The following ARL14EPL variants were observed in gnomAD, a reference collection of about 807,000 sequenced individuals.
ARL14EPL encodes ARF like GTPase 14 effector protein like.
Under a neutral mutation model 15.9 loss-of-function variants are expected in ARL14EPL, and 17 were observed. The ratio of observed to expected loss-of-function variants is 1.07; its 90% confidence interval spans 0.73 to 1.60. The LOEUF is 1.60. Among genes scored for constraint, ARL14EPL ranks in the 40% most tolerant of loss-of-function variants. The probability of loss-of-function intolerance (pLI) is 0.00; values close to 1 mark genes in which losing one functional copy is unlikely to be tolerated. For missense variants in ARL14EPL, 214 were observed against 185.9 expected (o/e 1.15, Z -0.88); for synonymous variants, 78 against 63.8 (o/e 1.22, Z -1.06).
chr5:116,054,865 T>A (rs1286362121), intron 3 of ARL14EPL, among the ~76,000 whole-genome samples: 2 of 150,632 alleles, frequency 1.3e-5, no homozygotes, highest in Admixed American at 1.3e-4. Flanking sequence ...AAATAAAAAA[T>A]AATAAACTAA....
chr5:116,036,287 A>G (rs1580409667), intron 1 of ARL14EPL, among the ~76,000 whole-genome samples: 1 of 152,136 alleles, frequency 6.6e-6, no homozygotes, highest in Admixed American at 6.5e-5. Context: ...ATACCATTAC[A>G]CTCTGAGAAG....
intron 3 of ARL14EPL, among the ~76,000 whole-genome samples, chr5:116,056,527 T>C (rs571021441): frequency 6.6e-6 from 1 of 152,164 alleles, no homozygotes; most frequent in Non-Finnish European, 1.5e-5. Flanking sequence ...GTTTGTGTTC[T>C]TTGTAGATTC....
At chr5:116,041,495 T>C (rs1433302983) in intron 1 of ARL14EPL, among the ~76,000 whole-genome samples, 1 of 152,170 alleles carries the variant, frequency 6.6e-6, no homozygotes, top group Non-Finnish European at 1.5e-5. Flanking sequence ...GGTCCTGAAA[T>C]TGCATAACTC....
chr5:116,050,829 G>A (rs1466897926), intron 1 of ARL14EPL, among the ~76,000 whole-genome samples: 1 of 140,870 alleles, frequency 7.1e-6, no homozygotes, highest in Admixed American at 7.2e-5. Flanking sequence ...ACACACACAT[G>A]CACACACACA....
intron 2 of ARL14EPL, among the ~76,000 whole-genome samples, chr5:116,052,890 G>A (rs1478464442): frequency 6.6e-6 from 1 of 152,132 alleles, no homozygotes; most frequent in African/African-American, 2.4e-5. Flanking sequence ...TTGTGCTTCT[G>A]AGATTATTTT....
chr5:116,052,982 G>A (rs1039423986), intron 2 of ARL14EPL, among the ~76,000 whole-genome samples: 2 of 151,466 alleles, frequency 1.3e-5, no homozygotes, highest in African/African-American at 2.4e-5. Context: ...TACAATATTC[G>A]ATTGAAGCAT....
At chr5:116,038,714 C>T (rs1428242799) in intron 1 of ARL14EPL, among the ~76,000 whole-genome samples, 2 of 62,544 alleles carry the variant, frequency 3.2e-5, no homozygotes, top group South Asian at 5.7e-4. Flanking sequence ...GTGGGGAGGG[C>T]GGGTGTGAAA....
chr5:116,051,295 G>C (rs565757022), intron 1 of ARL14EPL, 162 bp from the exon 2 acceptor site: 1 of 545,688 alleles, frequency 1.8e-6, no homozygotes, highest in South Asian at 2.8e-5. Flanking sequence ...GGAGTCAGAG[G>C]CAAGGTTTAA....
intron 1 of ARL14EPL, among the ~76,000 whole-genome samples, chr5:116,044,396 T>C (rs1329197056): frequency 6.6e-6 from 1 of 152,174 alleles, no homozygotes; most frequent in Non-Finnish European, 1.5e-5. Flanking sequence ...ACACTGTTTA[T>C]AAACATGCTT....
chr5:116,044,823 C>T (rs567276470), intron 1 of ARL14EPL, among the ~76,000 whole-genome samples: 2 of 152,208 alleles, frequency 1.3e-5, no homozygotes, highest in Admixed American at 6.5e-5. Context: ...GTAGAAGCAC[C>T]TTTGAGGCCT....
At chr5:116,053,944 C>T (rs1189826262) in intron 2 of ARL14EPL, 70 bp from the exon 3 acceptor site, 1 of 1,348,788 alleles carries the variant, frequency 7.4e-7, no homozygotes, top group East Asian at 2.5e-5. Context: ...ACAGAAAGTT[C>T]ATTTTGGGGA....
At chr5:116,049,868 T>G (rs1210810930) in intron 1 of ARL14EPL, among the ~76,000 whole-genome samples, 2 of 152,142 alleles carry the variant, frequency 1.3e-5, no homozygotes, top group Non-Finnish European at 2.9e-5. Context: ...CCCCAAGTAT[T>G]TACTTAACGC....
chr5:116,046,324 C>A (rs1749266896), intron 1 of ARL14EPL, among the ~76,000 whole-genome samples: 1 of 152,176 alleles, frequency 6.6e-6, no homozygotes, highest in Non-Finnish European at 1.5e-5. Context: ...TGATAATTTG[C>A]TAGTGTCCAT....
chr5:116,043,701 G>A (rs572832778), intron 1 of ARL14EPL, among the ~76,000 whole-genome samples: 41 of 152,208 alleles, frequency 2.7e-4, no homozygotes, highest in Admixed American at 1.1e-3. Flanking sequence ...GTTCAGTGCC[G>A]TGGTGCACTG....
intron 3 of ARL14EPL, among the ~76,000 whole-genome samples, chr5:116,057,114 G>C (rs1749535163): frequency 6.6e-6 from 1 of 152,170 alleles, no homozygotes; most frequent in African/African-American, 2.4e-5. Flanking sequence ...TGCAAGGCTG[G>C]TTCAACACAT....
intron 1 of ARL14EPL, among the ~76,000 whole-genome samples, chr5:116,044,615 A>G (rs4642405): frequency 0.058 from 8,855 of 152,172 alleles, 507 homozygotes; most frequent in African/African-American, 0.14. Context: ...GTTGACATAT[A>G]ACAATAGAGT....
chr5:116,040,770 A>G (rs111517415), intron 1 of ARL14EPL, among the ~76,000 whole-genome samples: 206 of 150,048 alleles, frequency 1.4e-3, no homozygotes, highest in African/African-American at 3.5e-3. Context: ...TCATATCGAG[A>G]CCATCCTGGC....
intron 1 of ARL14EPL, among the ~76,000 whole-genome samples, chr5:116,041,590 C>G (rs566025933): frequency 6.6e-6 from 1 of 152,116 alleles, no homozygotes; most frequent in African/African-American, 2.4e-5. Context: ...TCATTAGAGT[C>G]TATATACACA....
chr5:116,037,109 A>G (rs1749061668), intron 1 of ARL14EPL, among the ~76,000 whole-genome samples: 1 of 152,170 alleles, frequency 6.6e-6, no homozygotes, highest in Non-Finnish European at 1.5e-5. Context: ...GTTCTTGACT[A>G]TGTCAGGTAC....
Sources: allele counts gnomAD v4.1 joint callset (sites outside exome capture counted in the v4.1 genomes callset), GRCh38; gene constraint gnomAD v4.1.1; transcripts MANE v1.5; gene names NCBI Gene and HGNC (gene_info 2026-07-23, HGNC 2026-07-21).